Variants in SCEL observed in about 807,000 individuals in gnomAD.
The protein encoded by SCEL is sciellin.
In SCEL, 113 loss-of-function variants were observed where a neutral mutation model predicts 117.6. That is an observed-to-expected ratio of 0.96 (90% CI 0.83 to 1.12). The LOEUF (loss-of-function observed/expected upper bound fraction) is 1.12. SCEL is among the 50% of genes most tolerant of loss of function. The pLI is 0.00. For synonymous variants in SCEL, 270 were observed against 256.2 expected (o/e 1.05, Z -0.51); for missense variants, 785 against 810.8 (o/e 0.97, Z 0.39).
At chr13:77,616,687 G>A (rs1024306880) in intron 24 of SCEL, among the ~76,000 whole-genome samples, 1 of 150,314 alleles carries the variant, frequency 6.7e-6, no homozygotes, top group South Asian at 2.1e-4. Context: ...CCTTTTCTCA[G>A]ACCTTCTGAT....
intron 29 of SCEL, 39 bp downstream of exon 29, chr13:77,634,489 T>C: frequency 4.8e-6 from 7 of 1,448,362 alleles, no homozygotes; most frequent in Non-Finnish European, 6.8e-6. Flanking sequence ...CTTCATTTTA[T>C]AATTTTGAAA....
At chr13:77,570,824 G>C (rs528248400) in intron 8 of SCEL, among the ~76,000 whole-genome samples, 1 of 151,986 alleles carries the variant, frequency 6.6e-6, no homozygotes, top group Non-Finnish European at 1.5e-5. Flanking sequence ...ATTTTTACTT[G>C]TCAGAGTTTT....
At chr13:77,641,320 C>T (rs571227311) in intron 31 of SCEL, among the ~76,000 whole-genome samples, 5 of 152,212 alleles carry the variant, frequency 3.3e-5, no homozygotes, top group South Asian at 2.1e-4. Context: ...TTTCATAGGA[C>T]GTTTCTTTGC....
intron 1 of SCEL, among the ~76,000 whole-genome samples, chr13:77,538,680 A>T (rs867235120): frequency 5.9e-5 from 9 of 152,190 alleles, no homozygotes; most frequent in African/African-American, 2.2e-4. Flanking sequence ...ATTCAATGAC[A>T]ACTGGTTTAC....
chr13:77,593,425 T>C, intron 11 of SCEL, 89 bp from the exon 12 acceptor site: 1 of 953,024 alleles, frequency 1.0e-6, no homozygotes, highest in Admixed American at 2.0e-5. Flanking sequence ...GACTATTTAC[T>C]TTATTTACTG....
intron 9 of SCEL, among the ~76,000 whole-genome samples, chr13:77,578,818 A>G (rs1164985164): frequency 6.6e-6 from 1 of 152,182 alleles, no homozygotes; most frequent in Non-Finnish European, 1.5e-5. Context: ...ATATATTTGT[A>G]GCAGTGATTC....
At chr13:77,549,679 G>A (rs1014087492) in intron 1 of SCEL, among the ~76,000 whole-genome samples, 1 of 152,190 alleles carries the variant, frequency 6.6e-6, no homozygotes, top group Non-Finnish European at 1.5e-5. Context: ...TTCTGTTTGT[G>A]AGTTCCACAG....
chr13:77,637,321 TATATATACATATATAAAC>T (rs1214561719), intron 30 of SCEL, 127 bp downstream of exon 30: 81 of 70,904 alleles, frequency 1.1e-3, no homozygotes, highest in South Asian at 9.5e-3. Flanking sequence ...TATATATAAA[TATATATACATATATAAAC>T]ATATATACAT....
chr13:77,613,596 G>A (rs1263484269), intron 23 of SCEL, among the ~76,000 whole-genome samples: 1 of 152,032 alleles, frequency 6.6e-6, no homozygotes, highest in African/African-American at 2.4e-5. Flanking sequence ...CAGTTGCTGT[G>A]GTTGGAATTT....
chr13:77,561,127 T>C (rs1347973105), intron 4 of SCEL, among the ~76,000 whole-genome samples: 1 of 152,180 alleles, frequency 6.6e-6, no homozygotes, highest in Non-Finnish European at 1.5e-5. Context: ...ACAGCCTGGT[T>C]CTCAGCTGGC....
intron 9 of SCEL, 81 bp from the exon 10 acceptor site, chr13:77,589,063 G>T: frequency 3.1e-6 from 3 of 969,856 alleles, no homozygotes; most frequent in Non-Finnish European, 3.2e-6. Context: ...TTTTATGTAG[G>T]CAATAAATGC....
chr13:77,547,867 A>G (rs1312246991), intron 1 of SCEL, among the ~76,000 whole-genome samples: 2 of 152,112 alleles, frequency 1.3e-5, no homozygotes, highest in African/African-American at 2.4e-5. Context: ...TATCCTATAA[A>G]CACCCCCACT....
intron 11 of SCEL, 117 bp downstream of exon 11, chr13:77,591,577 T>A: frequency 1.6e-6 from 1 of 630,084 alleles, no homozygotes; most frequent in Non-Finnish European, 2.8e-6. Flanking sequence ...GTTTTCCAAC[T>A]GACTCCAAAA....
At chr13:77,543,145 G>A (rs868594945) in intron 1 of SCEL, among the ~76,000 whole-genome samples, 6 of 148,250 alleles carry the variant, frequency 4.0e-5, no homozygotes, top group East Asian at 3.9e-4. Flanking sequence ...GTGCAGTGGC[G>A]GGATCTCGGC....
At chr13:77,609,761 G>A (rs2088499933) in intron 21 of SCEL, among the ~76,000 whole-genome samples, 1 of 152,144 alleles carries the variant, frequency 6.6e-6, no homozygotes. Context: ...TCATAGGATT[G>A]ATGTGAGTAT....
At position 77,568,311 on chromosome 13, in the gene SCEL, A is replaced by G; in HGVS notation, c.376A>G (p.Arg126Gly). ...QLTNRSMSMF[R>G]SLEVTKLQPG... Reference sequence around the variant, plus strand: ...TCTTACCAGGAGCATGTCCATGTTTAGATCACTGGAAGTAACAAAGTTGTA... The same window carrying G: ...TCTTACCAGGAGCATGTCCATGTTTGGATCACTGGAAGTAACAAAGTTGTA... The change falls in exon 7 of 33, where the codon AGA becomes GGA. Residue 126 changes from arginine to glycine, a missense_variant. Arg to Gly is a moderately radical substitution (Grantham distance 125). Transcript: ENST00000349847. 1 of 1,569,026 alleles carries G rather than the reference A, an allele frequency of 6.4e-7. No homozygotes were observed. The highest frequency in any genetic ancestry group is 1.7e-5 in the Admixed American group (1 of 58,448).
intron 27 of SCEL, among the ~76,000 whole-genome samples, chr13:77,618,541 A>C (rs1048108921): frequency 6.6e-6 from 1 of 151,456 alleles, no homozygotes; most frequent in South Asian, 2.1e-4. Flanking sequence ...GAAGGCTTTT[A>C]GTTTTCTTTG....
intron 2 of SCEL, 104 bp downstream of exon 2, chr13:77,556,022 C>T: frequency 2.5e-6 from 2 of 804,696 alleles, no homozygotes; most frequent in African/African-American, 1.7e-5. Flanking sequence ...TTAGAAACAA[C>T]AGTCTAATTT....
chr13:77,563,337 C>T (rs2085092089), intron 4 of SCEL, among the ~76,000 whole-genome samples: 1 of 152,040 alleles, frequency 6.6e-6, no homozygotes, highest in South Asian at 2.1e-4. Context: ...CCTGTAAGTT[C>T]CCTTCTTTCA....
Sources: gnomAD v4.1 joint callset for allele counts (sites outside exome capture counted in the v4.1 genomes callset) on GRCh38, gnomAD v4.1.1 for gene constraint, MANE v1.5 for transcripts, NCBI Gene and HGNC (gene_info 2026-07-23, HGNC 2026-07-21) for gene names.